Variants in DOCK7 observed in about 807,000 individuals in gnomAD.
DOCK7 encodes dedicator of cytokinesis 7, also known as dedicator of cytokinesis protein 7.
Under a neutral mutation model 271.0 loss-of-function variants are expected in DOCK7, and 138 were observed. The observed-to-expected ratio is 0.51, with a 90% confidence interval of 0.44 to 0.59. The LOEUF is 0.59. Among genes scored for constraint, DOCK7 ranks in the 20% least tolerant of loss-of-function variants. The pLI is 0.00. For synonymous variants in DOCK7, 823 were observed against 876.1 expected (o/e 0.94, Z 1.07); for missense variants, 2,066 against 2,592.4 (o/e 0.80, Z 4.41).
intron 1 of DOCK7, among the ~76,000 whole-genome samples, chr1:62,677,206 G>T (rs1459334628): frequency 6.6e-6 from 1 of 152,052 alleles, no homozygotes; most frequent in Non-Finnish European, 1.5e-5. Flanking sequence ...GTAAGATTTG[G>T]GTGGGGCTAA....
At chr1:62,676,038 T>C (rs1053198606) in intron 1 of DOCK7, among the ~76,000 whole-genome samples, 2 of 152,192 alleles carry the variant, frequency 1.3e-5, no homozygotes, top group Admixed American at 1.3e-4. Context: ...CACTCCTAGA[T>C]AGGTATATAC....
At position 62,654,036 on chromosome 1, in the gene DOCK7, C is replaced by T; in HGVS notation, c.268G>A (p.Val90Ile). Residue 90 changes from valine to isoleucine, a missense_variant, in exon 3 of 50, where the codon GTT (valine) becomes ATT (isoleucine). Val to Ile is a conservative substitution (Grantham distance 29). Transcript: ENST00000635253. Reference sequence around the variant, plus strand: ...GTTCTGCAGTCCCGAGGACTATAAACAACTTCAATATCATCTGGAGGAAAT... The same window carrying T: ...GTTCTGCAGTCCCGAGGACTATAAATAACTTCAATATCATCTGGAGGAAAT... ...IEFPPDDIEV[V>I]YSPRDCRTLV... 4 of 1,613,918 alleles carry T rather than the reference C, an allele frequency of 2.5e-6. No individual in the cohort carries two copies. Among genetic ancestry groups the T allele is most frequent in the Non-Finnish European group, 3.4e-6 (4 of 1,179,910 alleles).
At chr1:62,462,002 C>T (rs1166017093) in intron 48 of DOCK7, among the ~76,000 whole-genome samples, 9 of 150,240 alleles carry the variant, frequency 6.0e-5, no homozygotes, top group South Asian at 2.1e-4. Context: ...ACCCAGGAGG[C>T]GGAGGTTGCA....
chr1:62,605,003 T>G (rs745780261), intron 14 of DOCK7: 219 of 600,072 alleles, frequency 3.6e-4, no homozygotes, highest in Non-Finnish European at 4.9e-4. Context: ...TTTACATTTC[T>G]CAATCAAAAT....
intron 31 of DOCK7, among the ~76,000 whole-genome samples, chr1:62,527,461 A>G (rs1440853552): frequency 6.6e-6 from 1 of 152,064 alleles, no homozygotes; most frequent in Non-Finnish European, 1.5e-5. Context: ...CTTGGAACCA[A>G]CCCAAATGTC....
At chr1:62,583,108 G>C (rs1647186482) in intron 16 of DOCK7, 76 bp downstream of exon 16, 1 of 1,220,474 alleles carries the variant, frequency 8.2e-7, no homozygotes, top group African/African-American at 1.5e-5. Context: ...AAAGCATTTG[G>C]TAAACACACT....
chr1:62,589,838 C>T (rs1284817390), intron 14 of DOCK7, among the ~76,000 whole-genome samples: 3 of 148,774 alleles, frequency 2.0e-5, no homozygotes, highest in African/African-American at 5.0e-5. Flanking sequence ...GCCGAGATCG[C>T]GCCACTGCAC....
chr1:62,506,316 A>G (rs2149324091), intron 35 of DOCK7, among the ~76,000 whole-genome samples: 1 of 152,306 alleles, frequency 6.6e-6, no homozygotes, highest in East Asian at 1.9e-4. Flanking sequence ...TGCCCTTAAA[A>G]AAAGAAATGT....
intron 7 of DOCK7, among the ~76,000 whole-genome samples, chr1:62,646,499 G>A (rs1656682882): frequency 6.6e-6 from 1 of 152,124 alleles, no homozygotes; most frequent in South Asian, 2.1e-4. Context: ...TAAGAGTGGG[G>A]CACTAATTCC....
intron 1 of DOCK7, among the ~76,000 whole-genome samples, chr1:62,665,099 G>A (rs567591683): frequency 2.4e-4 from 37 of 152,238 alleles, no homozygotes; most frequent in African/African-American, 8.7e-4. Context: ...CGATTCTCCT[G>A]CCTCAGCCTC....
At chr1:62,658,026 T>G (rs1322386344) in intron 2 of DOCK7, among the ~76,000 whole-genome samples, 1 of 151,450 alleles carries the variant, frequency 6.6e-6, no homozygotes, top group Admixed American at 6.6e-5. Flanking sequence ...GGCTGAAAAC[T>G]TCTAAATTTC....
chr1:62,475,111 G>T (rs778467448), intron 47 of DOCK7, 97 bp downstream of exon 47: 4 of 1,356,988 alleles, frequency 2.9e-6, no homozygotes, highest in Non-Finnish European at 3.9e-6. Flanking sequence ...AGAGAAGGCA[G>T]ATCCTTTTCA....
At chr1:62,486,412 G>GT (rs1646295203) in intron 43 of DOCK7, 1 of 152,062 alleles carries the variant, frequency 6.6e-6, no homozygotes, top group African/African-American at 2.4e-5. Context: ...CTGACAACAA[G>GT]TGAGAGGCAA....
chr1:62,663,532 TTAAAG>T (rs1265146391), intron 1 of DOCK7, among the ~76,000 whole-genome samples: 2 of 152,140 alleles, frequency 1.3e-5, no homozygotes, highest in Admixed American at 1.3e-4. Flanking sequence ...TATATACACT[TTAAAG>T]TATAAGAATT....
chr1:62,528,400 G>T, intron 30 of DOCK7, 95 bp from the exon 31 acceptor site: 1 of 1,171,256 alleles, frequency 8.5e-7, no homozygotes, highest in Non-Finnish European at 1.2e-6. Flanking sequence ...ATAACTTGTT[G>T]ACATGTTATA....
chr1:62,494,303 T>G lies in DOCK7; in HGVS notation c.5189A>C (p.Tyr1730Ser), dbSNP rs1442616253. 1 of 1,601,622 alleles carries G rather than the reference T, an allele frequency of 6.2e-7. No homozygotes were observed. Among genetic ancestry groups the G allele is most frequent in the Non-Finnish European group, 8.5e-7 (1 of 1,170,588 alleles). ...EYLSMLEDRK[Y>S]LPVGCVTFQN... Reference sequence around the variant, plus strand: ...AAATGTTACACATCCCACAGGAAGATATTTCCGGTCCTCCAGCATGCTCAA... The same window carrying G: ...AAATGTTACACATCCCACAGGAAGAGATTTCCGGTCCTCCAGCATGCTCAA... Residue 1730 changes from tyrosine to serine, a missense_variant, in exon 40 of 50, where the codon TAT (tyrosine) becomes TCT (serine). Physicochemically the swap from Tyr to Ser is moderately radical, Grantham distance 144 (BLOSUM62 -2). Coordinates refer to ENST00000635253, the MANE Select transcript of DOCK7 (RefSeq NM_001367561.1).
At chr1:62,493,829 T>C (rs1215538105) in intron 40 of DOCK7, among the ~76,000 whole-genome samples, 1 of 152,218 alleles carries the variant, frequency 6.6e-6, no homozygotes, top group Admixed American at 6.5e-5. Context: ...CAGAATTATG[T>C]ACCCTACTAG....
intron 7 of DOCK7, chr1:62,641,427 C>A: frequency 2.5e-6 from 1 of 402,086 alleles, no homozygotes; most frequent in South Asian, 1.8e-5. Flanking sequence ...TTGAGGTGGT[C>A]CAAAGCAGCC....
intron 8 of DOCK7, 100 bp from the exon 9 acceptor site, chr1:62,635,022 C>A: frequency 1.6e-6 from 1 of 608,674 alleles, no homozygotes; most frequent in East Asian, 3.1e-5. Context: ...AGAACTCTTT[C>A]AATGAAACAA....
Sources: gnomAD v4.1 joint callset for allele counts (sites outside exome capture counted in the v4.1 genomes callset) on GRCh38, gnomAD v4.1.1 for gene constraint, MANE v1.5 for transcripts, NCBI Gene and HGNC (gene_info 2026-07-23, HGNC 2026-07-21) for gene names.